The following MED16 variants were observed in gnomAD, a reference collection of about 807,000 sequenced individuals.
The protein encoded by MED16 is mediator complex subunit 16.
MED16 carries 81 observed loss-of-function variants against 84.4 expected under a neutral mutation model. That is an observed-to-expected ratio of 0.96 (90% CI 0.80 to 1.15). The LOEUF (loss-of-function observed/expected upper bound fraction) is 1.15. Among genes scored for constraint, MED16 ranks in the 50% most tolerant of loss-of-function variants. MED16 has a pLI of 0.00. For missense variants in MED16, 1,585 were observed against 1,245.9 expected (o/e 1.27, Z -4.10); for synonymous variants, 897 against 552.2 (o/e 1.62, Z -8.76).
intron 8 of MED16, among the ~76,000 whole-genome samples, 174 bp downstream of exon 8, chr19:879,763 G>A (rs201119725): frequency 4.7e-3 from 108 of 22,792 alleles, no homozygotes; most frequent in East Asian, 8.7e-3. Flanking sequence ...ATGCCCACCA[G>A]CCCCAGCCCC....
Position 884,921 on chromosome 19 carries a change from G to A in MED16, c.967C>T (p.Gln323Ter), listed in dbSNP as rs776038299. Reference protein sequence around the residue: ...KEGLPVNNIFQQISPVVGDKQ... With the variant: ...KEGLPVNNIF ...GACTCACCCACGGGGGAGATCTGCT[G>A]GAAGATGTTGTTCACGGGGAGTCCC... Residue 323 changes from glutamine (Q) to a stop codon, truncating the protein, a stop_gained, in exon 6 of 16, where the codon CAG becomes TAG. Transcript: ENST00000325464. LOFTEE classifies it high-confidence loss of function. 87 of 1,608,862 alleles carry A rather than the reference G, an allele frequency of 5.4e-5. No homozygotes were observed. Among genetic ancestry groups the A allele is most frequent in the Non-Finnish European group, 7.0e-5 (83 of 1,179,084 alleles).
chr19:885,811 T>C lies in MED16; in HGVS notation c.838A>G (p.Ile280Val). The change falls in exon 5 of 16, where the codon ATC (isoleucine) becomes GTC (valine). Residue 280 changes from isoleucine to valine, a missense_variant. By Grantham distance (29) the Ile-to-Val change is conservative. Transcript: ENST00000325464. ...DLNRKDKFPA[I>V]THLKFLARDM... ...CGGGCCAGGAACTTGAGGTGGGTGA[T>C]GGCGGGAAACTTGTCCTTGCGGTTG... The C allele has an allele frequency of 3.7e-6, 6 of 1,612,816 alleles. No homozygotes were observed. The highest frequency in any genetic ancestry group is 2.2e-5 in the South Asian group (2 of 91,088).
At chr19:884,823 C>G (rs945725253) in intron 6 of MED16, 80 bp downstream of exon 6, 8 of 1,152,948 alleles carry the variant, frequency 6.9e-6, no homozygotes, top group Non-Finnish European at 1.0e-5. Context: ...CTGGGTGACA[C>G]AGCAAGACCT....
intron 6 of MED16, among the ~76,000 whole-genome samples, chr19:884,205 G>A (rs923822296): frequency 2.6e-5 from 4 of 152,204 alleles, no homozygotes; most frequent in African/African-American, 7.2e-5. Context: ...CAGAGCGGAG[G>A]CCAGCCTAAA....
chr19:892,834 C>A (rs1168711006), intron 1 of MED16: 3 of 152,280 alleles, frequency 2.0e-5, no homozygotes, highest in Non-Finnish European at 4.4e-5. Context: ...CCCAGCCCCG[C>A]GGGCCTCAGG....
At chr19:876,641 T>C (rs1651886) in intron 9 of MED16, among the ~76,000 whole-genome samples, 48,361 of 151,904 alleles carry the variant, frequency 0.32, 8,254 homozygotes, top group Middle Eastern at 0.45. Flanking sequence ...CAGCCTCACC[T>C]GCCACAGGCT....
chr19:875,280 G>A lies in MED16; in HGVS notation c.1735C>T (p.Arg579Trp), dbSNP rs528980014. The A allele has an allele frequency of 2.1e-5, 31 of 1,478,130 alleles. No homozygotes were observed. Among genetic ancestry groups the A allele is most frequent in the Non-Finnish European group, 2.6e-5 (29 of 1,115,964 alleles). The allele number at this position is 1,478,130 out of a possible 1,614,324, so 91.6% of individuals were successfully genotyped here. ...LNTPDKSPGD[R>W]LTEICTKITD... The stretch of plus-strand genomic sequence containing the variant: ...ATCTTGGTGCAGATCTCGGTCAGCC[G>A]GTCGCCGGGGCTCTTGTCAGGCGTG... Residue 579 changes from arginine (R) to tryptophan (W), a missense_variant, in exon 10 of 16, where the codon CGG becomes TGG. By Grantham distance (101) the Arg-to-Trp change is moderately radical. Transcript: ENST00000325464.
intron 4 of MED16, 24 bp from the exon 5 acceptor site, chr19:886,225 G>A (rs1003516129): frequency 2.3e-5 from 34 of 1,489,754 alleles, no homozygotes; most frequent in Non-Finnish European, 2.9e-5. Flanking sequence ...AGGGAGGGAG[G>A]AGGGGCCGCT....
intron 12 of MED16, chr19:871,724 G>GGGGGCTTATGTTCTGGCA (rs2036064116): frequency 1.9e-5 from 22 of 1,167,340 alleles, no homozygotes; most frequent in Non-Finnish European, 2.6e-5. Flanking sequence ...ATGTTCTGGC[G>GGGGGCTTATGTTCTGGCA]GGGGGCTCAG....
Position 871,571 on chromosome 19 carries a change from A to G in MED16, c.2099-318T>C, listed in dbSNP as rs569963957. On this transcript the variant is annotated intron_variant, in intron 12 of 15. Transcript: ENST00000325464. ...GACACAGCTCACCCTCCTCACATAC[A>G]CACAACCCGACAAGGAGAGACAGCA... 118 of 1,594,932 alleles carry G rather than the reference A, an allele frequency of 7.4e-5. 3 individuals are homozygous for G. The South Asian group carries it at 1.2e-3, about 17-fold the overall frequency.
chr19:889,988 G>T, intron 3 of MED16, 149 bp downstream of exon 3: 2 of 822,968 alleles, frequency 2.4e-6, no homozygotes, highest in African/African-American at 3.4e-5. Context: ...AGAATGATTC[G>T]GGCCACTATG....
At chr19:879,479 A>AGGAGCTCACCTTCCCGTGGTTGTCAATGC (rs2036360041) in intron 8 of MED16, among the ~76,000 whole-genome samples, 1 of 128,120 alleles carries the variant, frequency 7.8e-6, no homozygotes, top group African/African-American at 3.0e-5. Flanking sequence ...GTCAATGCCC[A>AGGAGCTCACCTTCCCGTGGTTGTCAATGC]CCAGCCCCAG....
In MED16 at chr19:891,108, C is replaced by T. The variant is rs2036622699; in HGVS notation, c.24G>A (p.Ala8=). MCDLRRP[A]AGGMMDLAYV... ...AGGCCAAGTCCATCATCCCACCTGC[C>T]GCTGGCCGCCGCAAATCACACATGA... is the stretch of plus-strand genomic sequence containing the variant. Residue 8 remains alanine, a synonymous_variant, in exon 2 of 16, where the codon GCG becomes GCA. Coordinates refer to ENST00000325464, the MANE Select transcript of MED16 (RefSeq NM_005481.3). 8 of 1,613,532 alleles carry T rather than the reference C, an allele frequency of 5.0e-6. No individual in the cohort carries two copies. Among genetic ancestry groups the T allele is most frequent in the South Asian group, 1.1e-5 (1 of 91,000 alleles).
chr19:890,061 T>C, intron 3 of MED16, 76 bp downstream of exon 3: 1 of 1,181,166 alleles, frequency 8.5e-7, no homozygotes, highest in Admixed American at 2.1e-5. Flanking sequence ...GACTCCAGAC[T>C]GACCGGAGAA....
intron 1 of MED16, 135 bp from the exon 2 acceptor site, chr19:891,284 C>G (rs750077734): frequency 1.2e-6 from 1 of 861,516 alleles, no homozygotes; most frequent in Non-Finnish European, 1.7e-6. Context: ...GGAGGCCAGA[C>G]AGAGCCTGGG....
intron 6 of MED16, 21 bp downstream of exon 6, chr19:884,882 C>A: frequency 6.3e-7 from 1 of 1,585,860 alleles, no homozygotes; most frequent in East Asian, 2.3e-5. Flanking sequence ...CCAGGGCCTC[C>A]GCAGCCGGCG....
rs558695313 is a variant in MED16, at chr19:889,016, GC to G, written c.447+621del. Among the ~76,000 whole-genome samples the G allele has an allele frequency of 2.7e-4, 40 of 149,780 alleles. No homozygotes were observed. The East Asian group carries it at 7.3e-3, about 27-fold the overall frequency. On this transcript the variant is annotated intron_variant, in intron 4 of 15. Coordinates refer to ENST00000325464, the MANE Select transcript of MED16 (RefSeq NM_005481.3). ...GAGGAGTCAGAGCCTGAACCCAGGT[GC>G]CCCCCCAACCCTGGCCACGCCTACT... is the stretch of plus-strand genomic sequence containing the variant.
intron 6 of MED16, among the ~76,000 whole-genome samples, chr19:883,698 G>C (rs960869090): frequency 3.3e-5 from 5 of 152,162 alleles, no homozygotes; most frequent in African/African-American, 9.7e-5. Context: ...GCTTGGCTGT[G>C]GGCAGATGGT....
chr19:885,516 G>A (rs550978426), intron 5 of MED16, among the ~76,000 whole-genome samples: 55 of 152,286 alleles, frequency 3.6e-4, no homozygotes, highest in Non-Finnish European at 5.3e-4. Context: ...GGGAGGTTGA[G>A]ATTCAGAGAC....
Sources: allele counts gnomAD v4.1 joint callset (sites outside exome capture counted in the v4.1 genomes callset), GRCh38; gene constraint gnomAD v4.1.1; transcripts MANE v1.5; gene names NCBI Gene and HGNC (gene_info 2026-07-23, HGNC 2026-07-21).